Variants in CYS1 observed in about 807,000 individuals in gnomAD.
CYS1 encodes cystin-1.
In CYS1, 5 loss-of-function variants were observed where a neutral mutation model predicts 9.6. The observed-to-expected ratio is 0.52, with a 90% CI of 0.27 to 1.10. The LOEUF (loss-of-function observed/expected upper bound fraction) is 1.10, where lower values mean the gene tolerates loss of function less well. CYS1 is among the 50% of genes least tolerant of loss of function. The pLI is 0.11. For synonymous variants in CYS1, 88 were observed against 95.7 expected (o/e 0.92, Z 0.47); for missense variants, 221 against 207.9 (o/e 1.06, Z -0.39).
intron 1 of CYS1, among the ~76,000 whole-genome samples, chr2:10,077,358 T>G (rs1348980820): frequency 6.6e-6 from 1 of 152,250 alleles, no homozygotes; most frequent in East Asian, 1.9e-4. Flanking sequence ...AGACCATCTC[T>G]AAGACATTCC....
In CYS1 at chr2:10,080,184, G is replaced by T; in HGVS notation, c.40C>A (p.Arg14=). 1 of 1,070,092 alleles carries T rather than the reference G, an allele frequency of 9.3e-7. No homozygotes were observed. Among genetic ancestry groups the T allele is most frequent in the Non-Finnish European group, 1.1e-6 (1 of 886,484 alleles). 66.3% of individuals were successfully genotyped at this position (1,070,092 alleles called of 1,614,324 possible). The change falls in exon 1 of 3, where the codon CGG becomes AGG. Residue 14 remains arginine, a synonymous_variant. Transcript: ENST00000381813. This position sits in a 1 kb window ranked among gnomAD's most constrained non-coding sequence, Gnocchi z 6.4. The stretch of plus-strand genomic sequence containing the variant: ...GGGAGGCTCTCGGGGCTGCGCCGCC[G>T]CCTCAGAGTCCGGCTGCTCCGGCTG... ...GSSRSSRTLR[R]RRSPESLPAG... is the part of the protein sequence containing the mutation.
At chr2:10,070,593 G>A (rs1056898636) in intron 1 of CYS1, among the ~76,000 whole-genome samples, 12 of 151,682 alleles carry the variant, frequency 7.9e-5, no homozygotes, top group Admixed American at 2.0e-4. Context: ...TGATCCACTC[G>A]CTTCAGCCTC....
At chr2:10,062,026 T>A (rs193029456) in intron 2 of CYS1, among the ~76,000 whole-genome samples, 2 of 152,014 alleles carry the variant, frequency 1.3e-5, no homozygotes, top group Non-Finnish European at 2.9e-5. Context: ...TTTTTTTTTT[T>A]AGACAGGATC....
chr2:10,072,877 C>T (rs1169084292), intron 1 of CYS1, among the ~76,000 whole-genome samples: 1 of 151,674 alleles, frequency 6.6e-6, no homozygotes, highest in African/African-American at 2.4e-5. Context: ...GGGAGCGGTG[C>T]AGGCAGGCTG....
intron 2 of CYS1, among the ~76,000 whole-genome samples, chr2:10,064,245 A>AAAAT (rs983603826): frequency 1.3e-5 from 2 of 152,144 alleles, no homozygotes; most frequent in Admixed American, 6.5e-5. Context: ...AAATAAAATA[A>AAAAT]AAATAAATAA....
At chr2:10,060,004 C>T (rs528433562) in intron 2 of CYS1, among the ~76,000 whole-genome samples, 17 of 152,400 alleles carry the variant, frequency 1.1e-4, no homozygotes, top group Admixed American at 9.8e-4. Context: ...CCCGGACCTG[C>T]CACGGTTGTG....
At chr2:10,075,066 T>C (rs1206276717) in intron 1 of CYS1, among the ~76,000 whole-genome samples, 2 of 151,206 alleles carry the variant, frequency 1.3e-5, no homozygotes, top group South Asian at 2.1e-4. Context: ...GAGCCGAGAA[T>C]GCGCCACTGC....
In CYS1 at chr2:10,058,780, A is replaced by G; in HGVS notation, c.*73T>C. 7.6e-7 allele frequency: 1 copy of G among 1,315,062 alleles called. No homozygotes were observed. The highest frequency in any genetic ancestry group is 1.0e-6 in the Non-Finnish European group (1 of 955,726). 81.5% of individuals were successfully genotyped at this position (1,315,062 alleles called of 1,614,324 possible). ...TTGGAGGTGGTTCAGCTCCTGCTAG[A>G]GCTCTGTGCAAGCAGAGGGTGCCCC... On this transcript the variant is annotated 3_prime_UTR_variant, in exon 3 of 3. Coordinates refer to ENST00000381813, the MANE Select transcript of CYS1 (RefSeq NM_001037160.3).
chr2:10,064,915 T>C (rs1661675492), intron 2 of CYS1, among the ~76,000 whole-genome samples: 1 of 150,928 alleles, frequency 6.6e-6, no homozygotes, highest in African/African-American at 2.4e-5. Context: ...TTTTTTGGTA[T>C]TTTTTTAGTA....
intron 1 of CYS1, among the ~76,000 whole-genome samples, chr2:10,073,924 C>T (rs1035413516): frequency 1.3e-5 from 2 of 152,214 alleles, no homozygotes; most frequent in Admixed American, 6.5e-5. Flanking sequence ...CCTACAGCAG[C>T]CAGCAGCCAG....
At chr2:10,065,835 C>G in intron 2 of CYS1, 69 bp downstream of exon 2, 1 of 1,524,436 alleles carries the variant, frequency 6.6e-7, no homozygotes. Flanking sequence ...CAGGAGGGCT[C>G]TGAGGCTGGC....
At chr2:10,059,019 C>A in intron 2 of CYS1, 61 bp from the exon 3 acceptor site, 1 of 1,449,624 alleles carries the variant, frequency 6.9e-7, no homozygotes, top group Non-Finnish European at 9.4e-7. Flanking sequence ...ACACTCATTT[C>A]CCCTGGCCAC....
intron 1 of CYS1, among the ~76,000 whole-genome samples, chr2:10,067,944 C>T (rs1045476891): frequency 6.6e-6 from 1 of 152,146 alleles, no homozygotes; most frequent in Admixed American, 6.5e-5. Flanking sequence ...CTATCTTAAT[C>T]CTTTATTGAA....
intron 2 of CYS1, among the ~76,000 whole-genome samples, chr2:10,062,123 T>C (rs1661636469): frequency 6.6e-6 from 1 of 151,538 alleles, no homozygotes; most frequent in African/African-American, 2.4e-5. Flanking sequence ...TCCTCCCACC[T>C]CAGTCTCCTG....
chr2:10,057,308 T>G lies in CYS1; in HGVS notation c.*1545A>C, dbSNP rs958750537. ...CTGGGGAGGGTTTGAGCCACGCCCT[T>G]GCGGGGGCCGCTCCAAGCTCTGACT... On this transcript the variant is annotated 3_prime_UTR_variant, in exon 3 of 3. Coordinates refer to ENST00000381813, the MANE Select transcript of CYS1 (RefSeq NM_001037160.3). 1 of 152,280 alleles carries G rather than the reference T, an allele frequency of 6.6e-6. No homozygotes were observed. Among genetic ancestry groups the G allele is most frequent in the African/African-American group, 2.4e-5 (1 of 41,474 alleles). The allele number at this position is 152,280 out of a possible 1,614,324, so 9.4% of individuals were successfully genotyped here.
At chr2:10,073,142 G>C (rs1342231445) in intron 1 of CYS1, among the ~76,000 whole-genome samples, 3 of 151,938 alleles carry the variant, frequency 2.0e-5, no homozygotes, top group Non-Finnish European at 4.4e-5. Context: ...GGTGCAGGTG[G>C]GCTCTGCGAT....
chr2:10,068,089 T>C (rs969298523), intron 1 of CYS1, among the ~76,000 whole-genome samples: 5 of 152,232 alleles, frequency 3.3e-5, no homozygotes, highest in Non-Finnish European at 5.9e-5. Flanking sequence ...ATCTCACTGA[T>C]CCTCTCTTCA....
Position 10,063,158 on chromosome 2 carries a change from G to A in CYS1, c.371+2746C>T, listed in dbSNP as rs1191456871. ...ACATTAAACAATCCTGTCAATAAGC[G>A]TCTATGAAATGCTACCATGTGCCTG... is the stretch of plus-strand genomic sequence containing the variant. On this transcript the variant is annotated intron_variant, in intron 2 of 2. Coordinates refer to ENST00000381813, the MANE Select transcript of CYS1 (RefSeq NM_001037160.3). The surrounding 1 kb of genome is among the most constrained non-coding windows in gnomAD (Gnocchi z 4.2). 2.0e-5 allele frequency among the ~76,000 whole-genome samples: 3 copies of A among 152,200 alleles called. No homozygotes were observed. The highest frequency in any genetic ancestry group is 7.2e-5 in the African/African-American group (3 of 41,448).
At chr2:10,060,466 C>T (rs944412975) in intron 2 of CYS1, among the ~76,000 whole-genome samples, 7 of 152,190 alleles carry the variant, frequency 4.6e-5, no homozygotes, top group Non-Finnish European at 8.8e-5. Context: ...CAGGAAGGAT[C>T]GGCATCTAGC....
Sources: gnomAD v4.1 joint callset for allele counts (sites outside exome capture counted in the v4.1 genomes callset) on GRCh38, gnomAD v4.1.1 for gene constraint, Gnocchi (gnomAD v3.1) non-coding constraint, MANE v1.5 for transcripts, NCBI Gene and HGNC (gene_info 2026-07-23, HGNC 2026-07-21) for gene names.